HOGA1: variants seen among roughly 807,000 people sequenced by gnomAD.
HOGA1 encodes the protein 4-hydroxy-2-oxoglutarate aldolase 1.
A neutral mutation model predicts 34.3 loss-of-function variants in HOGA1; 30 were observed. That is an observed-to-expected ratio of 0.87 (90% CI 0.65 to 1.19). The LOEUF is 1.19. Among genes scored for constraint, HOGA1 ranks in the 50% most tolerant of loss-of-function variants. HOGA1 has a pLI of 0.00. For synonymous variants in HOGA1, 161 were observed against 174.0 expected, an observed-to-expected ratio of 0.93 and a Z score of 0.59; for missense variants, 417 against 436.5, an observed-to-expected ratio of 0.96 and a Z score of 0.40.
intron 1 of HOGA1, chr10:97,590,373 A>G: frequency 6.2e-7 from 1 of 1,614,130 alleles, no homozygotes; most frequent in South Asian, 1.1e-5. Flanking sequence ...GGTCACCTAG[A>G]GTCCAAGGAC....
chr10:97,601,273 G>T (rs990710679), intron 5 of HOGA1, among the ~76,000 whole-genome samples: 8 of 152,184 alleles, frequency 5.3e-5, no homozygotes, highest in Non-Finnish European at 1.2e-4. Flanking sequence ...AGTGGCGGGG[G>T]TTTCTGAGAT....
Position 97,607,422 on chromosome 10 carries a change from G to A in HOGA1, c.835-4088G>A, listed in dbSNP as rs532410785. ...GGCTGGAGTAGAGCAGTTACTGTCT[G>A]AAAGCTTTCCATCTTGCTAGGCAAC... On this transcript the variant is annotated intron_variant, in intron 6 of 6. Coordinates refer to ENST00000370646, the MANE Select transcript of HOGA1 (RefSeq NM_138413.4). Among the ~76,000 whole-genome samples the A allele has an allele frequency of 2.4e-3, 369 of 152,294 alleles. 2 individuals carry two copies. The highest frequency in any genetic ancestry group is 8.6e-3 in the African/African-American group (356 of 41,562).
At chr10:97,588,003 G>T (rs1332140240) in intron 1 of HOGA1, among the ~76,000 whole-genome samples, 1 of 151,398 alleles carries the variant, frequency 6.6e-6, no homozygotes, top group Non-Finnish European at 1.5e-5. Context: ...GTAGAGATGG[G>T]ATTTTGCCGT....
At chr10:97,600,252 G>T (rs2041106391) in intron 5 of HOGA1, 89 bp downstream of exon 5, 3 of 1,124,544 alleles carry the variant, frequency 2.7e-6, no homozygotes, top group South Asian at 1.2e-5. Flanking sequence ...GAGGGCTGGG[G>T]CTGGGTCTGC....
chr10:97,589,631 C>A (rs997593026), intron 1 of HOGA1: 3 of 411,350 alleles, frequency 7.3e-6, no homozygotes, highest in Non-Finnish European at 1.3e-5. Flanking sequence ...ACTCTCCCCA[C>A]CCCACCCGCA....
chr10:97,600,356 T>C (rs2041107084), intron 5 of HOGA1, 193 bp downstream of exon 5: 2 of 646,126 alleles, frequency 3.1e-6, no homozygotes, highest in Non-Finnish European at 5.6e-6. Flanking sequence ...AGTAACCTTG[T>C]TGGCTGAAGG....
chr10:97,590,781 C>T (rs989530925), intron 1 of HOGA1: 10 of 615,880 alleles, frequency 1.6e-5, no homozygotes, highest in Admixed American at 3.0e-5. Context: ...AGAAGATGGC[C>T]CCTGTTGGAG....
rs577468250 is a variant in HOGA1, at chr10:97,603,851, C to CCA, written c.834+1861_834+1862insCA. Among the ~76,000 whole-genome samples, 109 of 152,320 alleles carry CCA rather than the reference C, an allele frequency of 7.2e-4. 1 individual carries two copies. In the South Asian group the frequency reaches 0.011, roughly 15 times the overall value. ...CTGGGATTACAGGCATGAGCCACTG[C>CCA]GCCTGGCCAAACTTTTTATTTTTAG... is the stretch of plus-strand genomic sequence containing the variant. On this transcript the variant is annotated intron_variant, in intron 6 of 6. Coordinates refer to ENST00000370646, the MANE Select transcript of HOGA1 (RefSeq NM_138413.4). The surrounding 1 kb of genome is among the most constrained non-coding windows in gnomAD (Gnocchi z 4.5).
intron 1 of HOGA1, among the ~76,000 whole-genome samples, chr10:97,597,212 T>G (rs1295448552): frequency 6.6e-6 from 1 of 151,994 alleles, no homozygotes; most frequent in Admixed American, 6.6e-5. Flanking sequence ...GTTTATTTAT[T>G]TTTTATTTTT....
At chr10:97,592,522 G>A (rs1257013025) in intron 1 of HOGA1, among the ~76,000 whole-genome samples, 1 of 151,770 alleles carries the variant, frequency 6.6e-6, no homozygotes, top group Non-Finnish European at 1.5e-5. Context: ...TTACAGGTGG[G>A]AGCCACCGTG....
intron 1 of HOGA1, among the ~76,000 whole-genome samples, chr10:97,587,270 G>A (rs921743738): frequency 6.6e-6 from 1 of 152,150 alleles, no homozygotes; most frequent in African/African-American, 2.4e-5. Context: ...AGGGCCTCCT[G>A]CAGCCAGTTA....
intron 1 of HOGA1, among the ~76,000 whole-genome samples, chr10:97,596,708 C>CAAA (rs34186645): frequency 3.4e-5 from 3 of 89,348 alleles, no homozygotes; most frequent in Admixed American, 2.4e-4. Context: ...AAATAACTAC[C>CAAA]AAAAAAAAAA....
chr10:97,595,710 A>G (rs2041064717), intron 1 of HOGA1, among the ~76,000 whole-genome samples: 1 of 152,158 alleles, frequency 6.6e-6, no homozygotes, highest in South Asian at 2.1e-4. Flanking sequence ...AAAACAAAAC[A>G]AAACTCTGAG....
At chr10:97,601,711 TCA>T in intron 5 of HOGA1, 144 bp from the exon 6 acceptor site, 1 of 903,970 alleles carries the variant, frequency 1.1e-6, no homozygotes, top group Non-Finnish European at 1.8e-6. Flanking sequence ...TACTCTGGAC[TCA>T]CAGAGCATGC....
In HOGA1 at chr10:97,611,787, T is replaced by C; in HGVS notation, c.*128T>C. The C allele has an allele frequency of 1.7e-6, 2 of 1,171,520 alleles. No homozygotes were observed. Among genetic ancestry groups the C allele is most frequent in the Non-Finnish European group, 2.4e-6 (2 of 823,666 alleles). 72.6% of individuals were successfully genotyped at this position (1,171,520 alleles called of 1,614,324 possible). A position where few individuals can be genotyped will look rare whatever the true frequency, so the allele number is the denominator to read the frequency against. ...GGGAGCCGATAGAGGCTCCTTTGCCTGCTGTGGTCCTCCAGGCAGCCTTTC... is the reference window on the plus strand; with the variant it reads ...GGGAGCCGATAGAGGCTCCTTTGCCCGCTGTGGTCCTCCAGGCAGCCTTTC... On this transcript the variant is annotated 3_prime_UTR_variant, in exon 7 of 7. Transcript: ENST00000370646.
At chr10:97,611,470 G>A (rs1377208135) in intron 6 of HOGA1, 40 bp from the exon 7 acceptor site, 1 of 1,613,356 alleles carries the variant, frequency 6.2e-7, no homozygotes, top group Non-Finnish European at 8.5e-7. Context: ...TGGGTGTTCA[G>A]CAAATTTCTC....
At chr10:97,585,271 CA>C (rs1487792660) in intron 1 of HOGA1, among the ~76,000 whole-genome samples, 2 of 152,144 alleles carry the variant, frequency 1.3e-5, no homozygotes, top group Admixed American at 6.5e-5. Context: ...TGGCTGGGGT[CA>C]CGTGGCAGCC....
rs748436959 is a variant in HOGA1 at position 97,599,132 on chromosome 10, C to G, written c.384C>G (p.Val128=). 1.2e-6 allele frequency: 2 copies of G among 1,613,606 alleles called. No individual in the cohort carries two copies. Among genetic ancestry groups the G allele is most frequent in the Non-Finnish European group, 1.7e-6 (2 of 1,180,030 alleles). Residue 128 remains valine, a synonymous_variant, in exon 3 of 7, where the codon GTC becomes GTG. Transcript: ENST00000370646. ...TVEMTVSMAQ[V]GADAAMVVTP... The stretch of plus-strand genomic sequence containing the variant: ...AGATGACCGTCAGCATGGCCCAGGT[C>G]GGGGCTGACGCGGCCATGGTGGTGA...
At chr10:97,589,630 A>AC in intron 1 of HOGA1, 1 of 301,730 alleles carries the variant, frequency 3.3e-6, no homozygotes, top group Non-Finnish European at 6.4e-6. Context: ...CACTCTCCCC[A>AC]CCCCACCCGC....
Sources: allele counts gnomAD v4.1 joint callset (sites outside exome capture counted in the v4.1 genomes callset), GRCh38; gene constraint gnomAD v4.1.1; non-coding constraint Gnocchi (gnomAD v3.1); transcripts MANE v1.5; gene names NCBI Gene and HGNC (gene_info 2026-07-23, HGNC 2026-07-21).